Variants in UTP25 observed in about 807,000 individuals in gnomAD.
UTP25 encodes the protein U3 small nucleolar RNA-associated protein 25 homolog.
Under a neutral mutation model 78.9 loss-of-function variants are expected in UTP25, and 50 were observed. The ratio of observed to expected loss-of-function variants is 0.63; its 90% CI spans 0.50 to 0.80. The LOEUF (loss-of-function observed/expected upper bound fraction) is 0.80. Among genes scored for constraint, UTP25 ranks in the 30% least tolerant of loss-of-function variants. The probability of loss-of-function intolerance (pLI) is 0.00; values close to 1 mark genes in which losing one functional copy is unlikely to be tolerated. For missense variants in UTP25, 846 were observed against 911.3 expected (o/e 0.93, Z 0.92); for synonymous variants, 329 against 336.5 (o/e 0.98, Z 0.24).
Position 209,828,048 on chromosome 1 carries a change from A to G in UTP25, c.-16A>G, listed in dbSNP as rs1303272637. The G allele has an allele frequency of 4.3e-6, 7 of 1,610,768 alleles. No individual in the cohort carries two copies. Among genetic ancestry groups the G allele is most frequent in the Non-Finnish European group, 5.9e-6 (7 of 1,176,966 alleles). ...AACCGCGACTCTTGCAAGTGGGCAA[A>G]CTTGACGTTTTCGCTATGGGCAAAC... On this transcript the variant is annotated 5_prime_UTR_variant, in exon 1 of 12. Transcript: ENST00000491415.
intron 5 of UTP25, among the ~76,000 whole-genome samples, chr1:209,836,431 T>C (rs1392639435): frequency 6.6e-6 from 1 of 152,224 alleles, no homozygotes; most frequent in Non-Finnish European, 1.5e-5. Context: ...TTGTGATGTT[T>C]ATCAAGGGTA....
At chr1:209,838,365 A>AT (rs3834034) in intron 6 of UTP25, among the ~76,000 whole-genome samples, 25,992 of 149,046 alleles carry the variant, frequency 0.17, 2,486 homozygotes, top group African/African-American at 0.25. Context: ...AATTGTGGTC[A>AT]TTTTTTTTTA....
At position 209,839,023 on chromosome 1, in the gene UTP25, C is replaced by CA; in HGVS notation, c.1178dup (p.Glu395ArgfsTer17). ...CATTGTGAGCAACAAAAAGAGGTTT[C>CA]AGGGAGAATATGGATCAGATCCCGA... On this transcript the variant is annotated frameshift_variant, in exon 7 of 12. Transcript: ENST00000491415. LOFTEE classifies it high-confidence loss of function. 6.2e-7 allele frequency: 1 copy of CA among 1,614,088 alleles called. No individual in the cohort carries two copies. Among genetic ancestry groups the CA allele is most frequent in the South Asian group, 1.1e-5 (1 of 91,080 alleles).
At chr1:209,845,999 G>A (rs2078195169) in intron 11 of UTP25, among the ~76,000 whole-genome samples, 1 of 151,878 alleles carries the variant, frequency 6.6e-6, no homozygotes, top group African/African-American at 2.4e-5. Flanking sequence ...TGGGATTACA[G>A]AATTGCATCA....
At chr1:209,848,301 G>A (rs954849959) in intron 11 of UTP25, among the ~76,000 whole-genome samples, 31 of 152,296 alleles carry the variant, frequency 2.0e-4, no homozygotes, top group South Asian at 1.0e-3. Context: ...CAGAAGGCAC[G>A]TAATGTCACT....
At position 209,843,657 on chromosome 1, in the gene UTP25, A is replaced by C; in HGVS notation, c.1988A>C (p.Gln663Pro). 6.2e-7 allele frequency: 1 copy of C among 1,614,116 alleles called. No homozygotes were observed. The highest frequency in any genetic ancestry group is 8.5e-7 in the Non-Finnish European group (1 of 1,179,974). ...ARHFFLQGEK[Q>P]FLLFTERFHF... is the part of the protein sequence containing the mutation. ...CACTTCTTCCTTCAAGGAGAGAAAC[A>C]GTTTCTACTTTTCACAGAGCGCTTC... Residue 663 changes from glutamine (Q) to proline (P), a missense_variant, in exon 11 of 12, where the codon CAG becomes CCG. Coordinates refer to ENST00000491415, the MANE Select transcript of UTP25 (RefSeq NM_014388.7).
chr1:209,839,028 A>C lies in UTP25; in HGVS notation c.1182A>C (p.Gly394=). Reference sequence around the variant, plus strand: ...TGAGCAACAAAAAGAGGTTTCAGGGAGAATATGGATCAGATCCCGAGGAGA... The same window carrying C: ...TGAGCAACAAAAAGAGGTTTCAGGGCGAATATGGATCAGATCCCGAGGAGA... The part of the protein sequence containing the change: ...IIVSNKKRFQ[G]EYGSDPEERP... The change falls in exon 7 of 12, where the codon GGA becomes GGC. Residue 394 remains glycine, a synonymous_variant. Transcript: ENST00000491415. 6.2e-7 allele frequency: 1 copy of C among 1,614,130 alleles called. No individual in the cohort carries two copies. Among genetic ancestry groups the C allele is most frequent in the South Asian group, 1.1e-5 (1 of 91,084 alleles).
At chr1:209,833,975 T>C (rs1435833298) in intron 4 of UTP25, among the ~76,000 whole-genome samples, 2 of 152,220 alleles carry the variant, frequency 1.3e-5, no homozygotes, top group African/African-American at 4.8e-5. Flanking sequence ...GTATCCTGAT[T>C]GCCTTCATTG....
chr1:209,838,017 C>T (rs753430800), intron 6 of UTP25, among the ~76,000 whole-genome samples: 10 of 152,194 alleles, frequency 6.6e-5, no homozygotes, highest in African/African-American at 1.2e-4. Flanking sequence ...AAAGCCCCGA[C>T]GCTTACTGTC....
chr1:209,830,003 AT>A, intron 1 of UTP25, 104 bp from the exon 2 acceptor site: 2 of 987,338 alleles, frequency 2.0e-6, no homozygotes, highest in Admixed American at 2.4e-5. Context: ...TCTAAAATGT[AT>A]TTATAATGTT....
At chr1:209,848,071 A>T (rs73093866) in intron 11 of UTP25, among the ~76,000 whole-genome samples, 1 of 152,210 alleles carries the variant, frequency 6.6e-6, no homozygotes, top group African/African-American at 2.4e-5. Flanking sequence ...ACGTTAGAAT[A>T]GAAGCTTTTA....
At chr1:209,838,815 A>G (rs1243946482) in intron 6 of UTP25, 94 bp from the exon 7 acceptor site, 7 of 1,369,256 alleles carry the variant, frequency 5.1e-6, no homozygotes, top group Non-Finnish European at 7.3e-6. Flanking sequence ...ACTGCTCTAC[A>G]TGGAGCTTTT....
Position 209,851,223 on chromosome 1 carries a change from A to G in UTP25, c.2047A>G (p.Arg683Gly), listed in dbSNP as rs148871334. The part of the protein sequence containing the change: ...FYKRYTIKGI[R>G]NLIFYELPTY... ...TGACAGGTATACAATAAAAGGCATC[A>G]GGAACCTGATTTTCTATGAACTGCC... Residue 683 changes from arginine (R) to glycine (G), a missense_variant, in exon 12 of 12, where the codon AGG (arginine) becomes GGG (glycine). By Grantham distance (125) the Arg-to-Gly change is moderately radical. Coordinates refer to ENST00000491415, the MANE Select transcript of UTP25 (RefSeq NM_014388.7). 2 of 1,613,494 alleles carry G rather than the reference A, an allele frequency of 1.2e-6. No individual in the cohort carries two copies. The highest frequency in any genetic ancestry group is 1.7e-6 in the Non-Finnish European group (2 of 1,179,844).
At chr1:209,829,782 A>C (rs2078092916) in intron 1 of UTP25, among the ~76,000 whole-genome samples, 1 of 152,174 alleles carries the variant, frequency 6.6e-6, no homozygotes, top group South Asian at 2.1e-4. Flanking sequence ...CACCGCTCCC[A>C]GCTTAGAGGG....
Position 209,830,159 on chromosome 1 carries a change from T to C in UTP25, c.147+12T>C, listed in dbSNP as rs1176067275. On this transcript the variant is annotated intron_variant, in intron 2 of 11. Transcript: ENST00000491415. ...AGATTTGTCAACTGGTAATGCTTTCTACCTTCTTTTTAATAGTTGGTTTTG... is the reference window on the plus strand; with the variant it reads ...AGATTTGTCAACTGGTAATGCTTTCCACCTTCTTTTTAATAGTTGGTTTTG... 2 of 1,607,972 alleles carry C rather than the reference T, an allele frequency of 1.2e-6. No individual in the cohort carries two copies. Among genetic ancestry groups the C allele is most frequent in the East Asian group, 2.2e-5 (1 of 44,738 alleles).
chr1:209,848,566 A>AT (rs2078211046), intron 11 of UTP25, among the ~76,000 whole-genome samples: 1 of 152,186 alleles, frequency 6.6e-6, no homozygotes. Context: ...CTTGGGATAG[A>AT]TTTTGAAAGG....
rs751871730 is a variant in UTP25 at position 209,833,236 on chromosome 1, C to G, written c.440C>G (p.Pro147Arg). ...PEGKEDGEEP[P>R]GTSQTSPEEF... is the part of the protein sequence containing the mutation. ...GGAAAAGAAGATGGGGAAGAGCCAC[C>G]GGGCACATCACAAACATCCCCCGAA... Residue 147 changes from proline (P) to arginine (R), a missense_variant, in exon 4 of 12, where the codon CCG (proline) becomes CGG (arginine). Physicochemically the swap from Pro to Arg is moderately radical, Grantham distance 103 (BLOSUM62 -2). Transcript: ENST00000491415. The G allele has an allele frequency of 6.2e-7, 1 of 1,613,804 alleles. No individual in the cohort carries two copies. Among genetic ancestry groups the G allele is most frequent in the Admixed American group, 1.7e-5 (1 of 59,974 alleles).
chr1:209,841,869 G>A (rs1558054894), intron 8 of UTP25, among the ~76,000 whole-genome samples: 1 of 152,194 alleles, frequency 6.6e-6, no homozygotes, highest in African/African-American at 2.4e-5. Context: ...GAAAAGACAG[G>A]GTGACACTGC....
intron 11 of UTP25, among the ~76,000 whole-genome samples, chr1:209,845,936 A>G (rs889998138): frequency 1.4e-5 from 2 of 141,878 alleles, no homozygotes; most frequent in Admixed American, 7.2e-5. Context: ...GGCCCGCTGC[A>G]GCGTCTGCCT....
Sources: allele counts gnomAD v4.1 joint callset (sites outside exome capture counted in the v4.1 genomes callset), GRCh38; gene constraint gnomAD v4.1.1; transcripts MANE v1.5; gene names NCBI Gene and HGNC (gene_info 2026-07-23, HGNC 2026-07-21).